ATAD2B: variants seen among roughly 807,000 people sequenced by gnomAD.
ATAD2B encodes ATPase family AAA domain-containing protein 2B.
In ATAD2B, 40 loss-of-function variants were observed where a neutral mutation model predicts 167.6. The observed-to-expected ratio is 0.24, with a 90% CI of 0.19 to 0.31. The LOEUF (loss-of-function observed/expected upper bound fraction) is 0.31, where lower values mean the gene tolerates loss of function less well. Ranked by LOEUF, ATAD2B falls within the 10% of genes least tolerant of loss-of-function variation. The probability of loss-of-function intolerance (pLI) is 1.00; values close to 1 mark genes in which losing one functional copy is unlikely to be tolerated. For synonymous variants in ATAD2B, 579 were observed against 596.5 expected (o/e 0.97, Z 0.43); for missense variants, 1,242 against 1,757.2 (o/e 0.71, Z 5.24).
the ATAD2B span, among the ~76,000 whole-genome samples, chr2:23,682,323 G>A: frequency 2.6e-5 from 4 of 152,146 alleles, no homozygotes; most frequent in African/African-American, 9.7e-5. The surrounding 1 kb of genome is among the most constrained non-coding windows in gnomAD (Gnocchi z 4.1). Flanking sequence ...TGGACCCTGA[G>A]GCTCTGAGGA....
chr2:23,890,261 C>T (rs66906968), intron 2 of ATAD2B, among the ~76,000 whole-genome samples: 2 of 151,610 alleles, frequency 1.3e-5, no homozygotes, highest in African/African-American at 4.8e-5. Flanking sequence ...ACAAAAAAAA[C>T]CCTCATACTA....
intron 23 of ATAD2B, among the ~76,000 whole-genome samples, chr2:23,765,022 T>A (rs1203989297): frequency 6.6e-6 from 1 of 152,226 alleles, no homozygotes; most frequent in Non-Finnish European, 1.5e-5. Flanking sequence ...TTTCTCTCTC[T>A]CCTACTAAAA....
intron 13 of ATAD2B, among the ~76,000 whole-genome samples, chr2:23,836,066 T>A (rs1689902214): frequency 6.6e-6 from 1 of 151,572 alleles, no homozygotes; most frequent in African/African-American, 2.4e-5. Context: ...GCTGGGCTCA[T>A]TCCACCCACT....
chr2:23,746,671 A>G (rs776832848), downstream of ATAD2B, among the ~76,000 whole-genome samples: 12 of 152,208 alleles, frequency 7.9e-5, no homozygotes, highest in Non-Finnish European at 1.6e-4. Context: ...AAAATAAATC[A>G]ACAGAATGTG....
intron 13 of ATAD2B, among the ~76,000 whole-genome samples, chr2:23,840,655 A>G (rs1020428536): frequency 8.5e-5 from 13 of 152,210 alleles, no homozygotes; most frequent in South Asian, 4.1e-4. Context: ...TAAATATGGT[A>G]TATGTTTGAA....
chr2:23,883,114 C>T (rs1698194165), intron 6 of ATAD2B, among the ~76,000 whole-genome samples: 1 of 151,470 alleles, frequency 6.6e-6, no homozygotes, highest in South Asian at 2.1e-4. Context: ...CCCATCTCTA[C>T]AAAAATTACA....
Position 23,887,907 on chromosome 2 carries a change from C to T in ATAD2B, c.497G>A (p.Arg166Lys). 1 of 1,611,158 alleles carries T rather than the reference C, an allele frequency of 6.2e-7. No individual in the cohort carries two copies. The highest frequency in any genetic ancestry group is 8.5e-7 in the Non-Finnish European group (1 of 1,178,996). ...LSCINGDMEV[R>K]KSCRSRKNRF... Reference sequence around the variant, plus strand: ...GTTTTTCCTGGAACGACAACTTTTTCTGACTTCCATGTCACCATTTATACA... The same window carrying T: ...GTTTTTCCTGGAACGACAACTTTTTTTGACTTCCATGTCACCATTTATACA... The change falls in exon 4 of 28, where the codon AGA becomes AAA. Residue 166 changes from arginine (R) to lysine (K), a missense_variant. Transcript: ENST00000238789.
intron 24 of ATAD2B, among the ~76,000 whole-genome samples, chr2:23,758,770 G>A (rs1016896538): frequency 9.2e-5 from 14 of 152,088 alleles, no homozygotes; most frequent in African/African-American, 3.4e-4. Context: ...GAATATGTAG[G>A]AAAACTAAGC....
At chr2:23,730,378 C>T in the ATAD2B span, among the ~76,000 whole-genome samples, 1 of 151,958 alleles carries the variant, frequency 6.6e-6, no homozygotes, top group East Asian at 1.9e-4. Flanking sequence ...GAAAATACAA[C>T]ATGTCAGGCC....
chr2:23,883,679 A>C (rs1405978779), intron 6 of ATAD2B: 2 of 1,029,482 alleles, frequency 1.9e-6, no homozygotes, highest in Non-Finnish European at 2.6e-6. Flanking sequence ...CCTTCATTAG[A>C]AATATCACCT....
At chr2:23,739,618 C>A in the ATAD2B span, among the ~76,000 whole-genome samples, 27 of 151,968 alleles carry the variant, frequency 1.8e-4, no homozygotes, top group African/African-American at 6.3e-4. Context: ...AAAATTGACA[C>A]CCTAACATCA....
At chr2:23,889,236 C>T (rs1474745238) in intron 2 of ATAD2B, among the ~76,000 whole-genome samples, 1 of 152,026 alleles carries the variant, frequency 6.6e-6, no homozygotes, top group African/African-American at 2.4e-5. Context: ...GGCGCGATCT[C>T]GGCTTACTGC....
chr2:23,899,008 C>A (rs1370929257), intron 1 of ATAD2B, among the ~76,000 whole-genome samples: 1 of 152,090 alleles, frequency 6.6e-6, no homozygotes, highest in African/African-American at 2.4e-5. Context: ...ATTAGCCAGG[C>A]ATGGTGGCCC....
intron 21 of ATAD2B, among the ~76,000 whole-genome samples, chr2:23,783,371 T>G (rs1680348489): frequency 6.6e-6 from 1 of 151,686 alleles, no homozygotes; most frequent in Admixed American, 6.6e-5. Flanking sequence ...TAAATATGAC[T>G]TCAGGAAAAA....
the ATAD2B span, among the ~76,000 whole-genome samples, chr2:23,681,916 C>T: frequency 6.6e-6 from 1 of 152,140 alleles, no homozygotes; most frequent in Non-Finnish European, 1.5e-5. The surrounding 1 kb of genome is among the most constrained non-coding windows in gnomAD (Gnocchi z 4.2). Context: ...CCTGTGCTGT[C>T]TCCCCTCCGC....
chr2:23,920,150 C>CAA (rs58552045), intron 1 of ATAD2B, among the ~76,000 whole-genome samples: 48 of 139,340 alleles, frequency 3.4e-4, no homozygotes, highest in Non-Finnish European at 5.5e-4. Flanking sequence ...GACTCTGCCT[C>CAA]AAAAAAAAAA....
intron 10 of ATAD2B, among the ~76,000 whole-genome samples, chr2:23,867,561 A>T (rs1029299847): frequency 6.6e-6 from 1 of 152,148 alleles, no homozygotes; most frequent in Non-Finnish European, 1.5e-5. Flanking sequence ...GGCAATTTCA[A>T]CAACAGCCCA....
chr2:23,885,272 A>T (rs569310655), intron 5 of ATAD2B, among the ~76,000 whole-genome samples: 5 of 152,348 alleles, frequency 3.3e-5, no homozygotes, highest in Admixed American at 3.3e-4. Context: ...GCAGTATCTG[A>T]AATGAACCTT....
chr2:23,841,325 G>A (rs764870582), intron 13 of ATAD2B, among the ~76,000 whole-genome samples: 2 of 151,828 alleles, frequency 1.3e-5, no homozygotes, highest in Non-Finnish European at 2.9e-5. Flanking sequence ...CTGACTTATG[G>A]TTTATTTTGT....
Sources: allele counts gnomAD v4.1 joint callset (sites outside exome capture counted in the v4.1 genomes callset), GRCh38; gene constraint gnomAD v4.1.1; non-coding constraint Gnocchi (gnomAD v3.1); transcripts MANE v1.5; gene names NCBI Gene and HGNC (gene_info 2026-07-23, HGNC 2026-07-21).